KDM4C: variants seen among roughly 807,000 people sequenced by gnomAD.
The protein encoded by KDM4C is lysine-specific demethylase 4C.
A neutral mutation model predicts 129.3 loss-of-function variants in KDM4C; 81 were observed. The observed-to-expected ratio is 0.63, with a 90% CI of 0.52 to 0.75. KDM4C has a LOEUF of 0.75. KDM4C is among the 30% of genes least tolerant of loss of function. The pLI is 0.00. For missense variants in KDM4C, 1,457 were observed against 1,304.0 expected, an observed-to-expected ratio of 1.12 and a Z score of -1.81; for synonymous variants, 573 against 456.1, an observed-to-expected ratio of 1.26 and a Z score of -3.26.
intron 12 of KDM4C, among the ~76,000 whole-genome samples, chr9:6,995,950 G>C (rs536114416): frequency 1.3e-3 from 200 of 152,202 alleles, no homozygotes; most frequent in Admixed American, 3.8e-3. Flanking sequence ...TTACAGGCGT[G>C]AGCCACCGCG....
At chr9:7,027,434 A>G (rs1029321595) in intron 15 of KDM4C, among the ~76,000 whole-genome samples, 1 of 152,170 alleles carries the variant, frequency 6.6e-6, no homozygotes, top group African/African-American at 2.4e-5. Flanking sequence ...CTTCCAAACA[A>G]AGGGAGTCTC....
At chr9:7,076,082 T>C (rs1297720644) in intron 17 of KDM4C, among the ~76,000 whole-genome samples, 1 of 152,188 alleles carries the variant, frequency 6.6e-6, no homozygotes, top group Non-Finnish European at 1.5e-5. Context: ...GTTATCTTTG[T>C]GATCCTCCAC....
chr9:6,858,134 T>C (rs996366469), intron 5 of KDM4C, among the ~76,000 whole-genome samples: 1 of 152,064 alleles, frequency 6.6e-6, no homozygotes, highest in Non-Finnish European at 1.5e-5. Flanking sequence ...CCTGCTATAT[T>C]GATGGTAGAT....
chr9:7,092,522 A>G (rs1459815541), intron 17 of KDM4C, among the ~76,000 whole-genome samples: 1 of 152,182 alleles, frequency 6.6e-6, no homozygotes, highest in African/African-American at 2.4e-5. Context: ...TTCATAATTT[A>G]TCATTGAAAA....
chr9:6,744,438 T>C (rs1817811407), intron 1 of KDM4C, among the ~76,000 whole-genome samples: 1 of 152,026 alleles, frequency 6.6e-6, no homozygotes, highest in African/African-American at 2.4e-5. Flanking sequence ...GGCAGGAGAA[T>C]TGCTTGAACC....
chr9:6,778,815 CTTTT>C (rs34355554), intron 1 of KDM4C, among the ~76,000 whole-genome samples: 11 of 141,372 alleles, frequency 7.8e-5, no homozygotes, highest in Admixed American at 1.4e-4. Context: ...GATTTGGTGC[CTTTT>C]TTTTTTTTTT....
At chr9:7,052,863 CAG>C (rs370475585) in intron 17 of KDM4C, among the ~76,000 whole-genome samples, 1,663 of 41,118 alleles carry the variant, frequency 0.04, 49 homozygotes, top group African/African-American at 0.12. Flanking sequence ...GCCACACCTG[CAG>C]AGAGAGAGAG....
chr9:6,772,760 T>G (rs1418512024), intron 1 of KDM4C, among the ~76,000 whole-genome samples: 3 of 150,854 alleles, frequency 2.0e-5, no homozygotes, highest in African/African-American at 7.3e-5. Context: ...TGGCGCCATC[T>G]TGGCTCACTG....
intron 17 of KDM4C, among the ~76,000 whole-genome samples, chr9:7,091,321 G>GA (rs60196704): frequency 2.7e-5 from 4 of 149,850 alleles, no homozygotes; most frequent in Admixed American, 2.7e-4. Flanking sequence ...GGCAATAAAA[G>GA]AAAAAAAAAA....
intron 3 of KDM4C, among the ~76,000 whole-genome samples, chr9:6,806,506 TAAA>T (rs1337449413): frequency 2.8e-5 from 4 of 145,100 alleles, no homozygotes; most frequent in African/African-American, 1.1e-4. Flanking sequence ...AAAAAATAAA[TAAA>T]TAAATAAATA....
intron 15 of KDM4C, among the ~76,000 whole-genome samples, chr9:7,039,205 GAC>G (rs1464134476): frequency 6.6e-6 from 1 of 151,884 alleles, no homozygotes. Context: ...ATGAGTGAGG[GAC>G]ATAACACATA....
intron 8 of KDM4C, among the ~76,000 whole-genome samples, chr9:6,912,792 A>G (rs1819565932): frequency 6.6e-6 from 1 of 152,108 alleles, no homozygotes; most frequent in South Asian, 2.1e-4. Context: ...GCTCCCGGAG[A>G]TGTGTTGGTA....
intron 19 of KDM4C, among the ~76,000 whole-genome samples, chr9:7,128,990 G>A (rs1223667588): frequency 3.9e-5 from 6 of 152,022 alleles, no homozygotes; most frequent in African/African-American, 1.2e-4. Context: ...TTTTGACACC[G>A]AAATCAAATC....
chr9:6,969,165 A>T (rs1589379050), intron 8 of KDM4C, among the ~76,000 whole-genome samples: 1 of 152,140 alleles, frequency 6.6e-6, no homozygotes, highest in Non-Finnish European at 1.5e-5. Context: ...CGAACTCCTG[A>T]CCTCAAGTGA....
chr9:6,757,016 C>A (rs1025613452), upstream of KDM4C, among the ~76,000 whole-genome samples: 3 of 152,302 alleles, frequency 2.0e-5, no homozygotes, highest in East Asian at 5.8e-4. Flanking sequence ...ACAAGGGACC[C>A]AGCTGGGAGC....
At chr9:7,162,768 T>G (rs1020933220) in intron 19 of KDM4C, among the ~76,000 whole-genome samples, 2 of 152,076 alleles carry the variant, frequency 1.3e-5, no homozygotes, top group African/African-American at 4.8e-5. Flanking sequence ...GTAACTCTCC[T>G]GCTTGAAAGT....
At chr9:6,759,215 C>T (rs1262999139) in intron 1 of KDM4C, among the ~76,000 whole-genome samples, 1 of 152,088 alleles carries the variant, frequency 6.6e-6, no homozygotes, top group African/African-American at 2.4e-5. Context: ...TAGTAGGTTC[C>T]GGCCACTTAG....
At chr9:6,947,536 T>C (rs972779111) in intron 8 of KDM4C, among the ~76,000 whole-genome samples, 10 of 152,142 alleles carry the variant, frequency 6.6e-5, no homozygotes, top group African/African-American at 1.2e-4. Flanking sequence ...TACAATGTTA[T>C]AGTCATGGTC....
intron 17 of KDM4C, chr9:7,077,231 A>G: frequency 1.0e-6 from 1 of 985,184 alleles, no homozygotes; most frequent in Non-Finnish European, 1.2e-6. Context: ...CAACACCTAC[A>G]ATATGGTGAA....
Sources: allele counts gnomAD v4.1 joint callset (sites outside exome capture counted in the v4.1 genomes callset), GRCh38; gene constraint gnomAD v4.1.1; transcripts MANE v1.5; gene names NCBI Gene and HGNC (gene_info 2026-07-23, HGNC 2026-07-21).